Variants in RPS6KC1 observed in about 807,000 individuals in gnomAD.
The protein encoded by RPS6KC1 is ribosomal protein S6 kinase C1, also known as inactive ribosomal protein S6 kinase delta-1.
Under a neutral mutation model 103.8 loss-of-function variants are expected in RPS6KC1, and 54 were observed. The observed-to-expected ratio is 0.52, with a 90% confidence interval of 0.42 to 0.65. The LOEUF (loss-of-function observed/expected upper bound fraction) is 0.65, where lower values mean the gene tolerates loss of function less well. RPS6KC1 is among the 30% of genes least tolerant of loss of function. The pLI is 0.00. For synonymous variants in RPS6KC1, 439 were observed against 438.7 expected (o/e 1.00, Z -0.01); for missense variants, 1,151 against 1,253.8 (o/e 0.92, Z 1.24).
At chr1:213,121,859 G>T (rs1451018274) in intron 5 of RPS6KC1, among the ~76,000 whole-genome samples, 5 of 152,082 alleles carry the variant, frequency 3.3e-5, no homozygotes, top group Non-Finnish European at 7.4e-5. Context: ...TCAGCTTATT[G>T]TATGTAGCAT....
the RPS6KC1 span, among the ~76,000 whole-genome samples, chr1:213,606,873 T>C: frequency 6.6e-6 from 1 of 152,230 alleles, no homozygotes; most frequent in South Asian, 2.1e-4. Flanking sequence ...TGAGTCCTTG[T>C]TCTGTACCAG....
the RPS6KC1 span, among the ~76,000 whole-genome samples, chr1:213,741,650 G>A: frequency 3.3e-5 from 5 of 152,232 alleles, no homozygotes; most frequent in Admixed American, 6.5e-5. Flanking sequence ...GAGGTGACAC[G>A]AGCATAATAG....
At chr1:213,388,591 A>G in the RPS6KC1 span, among the ~76,000 whole-genome samples, 87 of 152,356 alleles carry the variant, frequency 5.7e-4, no homozygotes, top group Middle Eastern at 3.4e-3. Flanking sequence ...TGCACCAGGA[A>G]CAAGAGTCTC....
rs79432304 is a variant in RPS6KC1 at position 213,133,397 on chromosome 1, C to G, written c.835+3508C>G. Reference sequence around the variant, plus strand: ...AATTTATTACATGCCTGTCACTGTACAAGGTATTTTTCTTACATTATTTTT... The same window carrying G: ...AATTTATTACATGCCTGTCACTGTAGAAGGTATTTTTCTTACATTATTTTT... On this transcript the variant is annotated intron_variant, in intron 6 of 14. Coordinates refer to ENST00000366960, the MANE Select transcript of RPS6KC1 (RefSeq NM_012424.6). 9.3e-3 allele frequency among the ~76,000 whole-genome samples: 1,416 copies of G among 152,180 alleles called. 48 individuals are homozygous for G. Among genetic ancestry groups the G allele is most frequent in the East Asian group, 0.07 (363 of 5,184 alleles).
chr1:213,290,468 G>A, the RPS6KC1 span, among the ~76,000 whole-genome samples: 5 of 152,314 alleles, frequency 3.3e-5, no homozygotes, highest in East Asian at 5.8e-4. Context: ...GTGCCTGCAC[G>A]TTGGGTGGCA....
the RPS6KC1 span, among the ~76,000 whole-genome samples, chr1:213,809,369 A>G: frequency 6.6e-6 from 1 of 152,330 alleles, no homozygotes; most frequent in South Asian, 2.1e-4. Context: ...ACAGATCACC[A>G]TACCAGATAT....
the RPS6KC1 span, among the ~76,000 whole-genome samples, chr1:213,815,374 A>T: frequency 9.8e-5 from 15 of 152,314 alleles, no homozygotes; most frequent in African/African-American, 3.6e-4. Context: ...AATTAATGTA[A>T]TCATTAGCTT....
chr1:213,313,885 G>A, the RPS6KC1 span, among the ~76,000 whole-genome samples: 6 of 152,228 alleles, frequency 3.9e-5, no homozygotes, highest in South Asian at 1.0e-3. Flanking sequence ...CCTGGGAGGC[G>A]GAGCTTGCAG....
chr1:213,783,841 A>T, the RPS6KC1 span, among the ~76,000 whole-genome samples: 39 of 145,620 alleles, frequency 2.7e-4, no homozygotes, highest in Non-Finnish European at 4.4e-4. Context: ...AAAAAAAAAA[A>T]ATCCAAACCA....
At chr1:213,391,382 C>T in the RPS6KC1 span, among the ~76,000 whole-genome samples, 1 of 152,116 alleles carries the variant, frequency 6.6e-6, no homozygotes, top group Non-Finnish European at 1.5e-5. Context: ...GTACAACTTG[C>T]TGATGGATTG....
Position 213,176,762 on chromosome 1 carries a change from A to G in RPS6KC1, c.1044+270A>G, listed in dbSNP as rs572278058. 1.6e-5 allele frequency: 4 copies of G among 242,718 alleles called. No homozygotes were observed. In the East Asian group the frequency reaches 2.1e-4, roughly 13 times the overall value. 15.0% of individuals were successfully genotyped at this position (242,718 alleles called of 1,614,324 possible). A position where few individuals can be genotyped will look rare whatever the true frequency, so the allele number is the denominator to read the frequency against. On this transcript the variant is annotated intron_variant, in intron 8 of 14. Transcript: ENST00000366960. ...GGGTTTGGTTTTATAGAAGTGTTAT[A>G]GCAGAGTAAAGATGTATTGTGTTAA...
the RPS6KC1 span, among the ~76,000 whole-genome samples, chr1:213,312,162 C>T: frequency 6.6e-6 from 1 of 152,026 alleles, no homozygotes; most frequent in Non-Finnish European, 1.5e-5. Flanking sequence ...TCCCAAAGTG[C>T]TGGGATTACA....
the RPS6KC1 span, among the ~76,000 whole-genome samples, chr1:213,734,377 G>A: frequency 6.6e-6 from 1 of 152,194 alleles, no homozygotes; most frequent in Non-Finnish European, 1.5e-5. Context: ...GCTGGTAATG[G>A]GGTATATAGA....
the RPS6KC1 span, among the ~76,000 whole-genome samples, chr1:213,519,048 CA>C: frequency 8.5e-5 from 13 of 152,150 alleles, no homozygotes; most frequent in African/African-American, 1.2e-4. Flanking sequence ...ACTACATTCT[CA>C]GCAGATAGAG....
the RPS6KC1 span, among the ~76,000 whole-genome samples, chr1:213,502,478 C>T: frequency 4.6e-5 from 7 of 152,044 alleles, no homozygotes; most frequent in African/African-American, 1.7e-4. Flanking sequence ...TAGTAATCCA[C>T]TAAATATAAA....
At chr1:213,254,323 G>T (rs560047212) in intron 12 of RPS6KC1, among the ~76,000 whole-genome samples, 227 of 152,296 alleles carry the variant, frequency 1.5e-3, no homozygotes, top group Non-Finnish European at 2.8e-3. Flanking sequence ...AGCTGATTCT[G>T]TGTCTCCATT....
the RPS6KC1 span, among the ~76,000 whole-genome samples, chr1:213,536,691 C>T: frequency 1.3e-5 from 2 of 152,170 alleles, no homozygotes; most frequent in Non-Finnish European, 2.9e-5. Context: ...TGAAAGCATA[C>T]GAGAGCTAGC....
At chr1:213,861,001 G>C in the RPS6KC1 span, among the ~76,000 whole-genome samples, 4 of 151,958 alleles carry the variant, frequency 2.6e-5, no homozygotes, top group Admixed American at 2.0e-4. Context: ...TAAAGATGGT[G>C]TTTCACCATG....
chr1:213,602,573 A>G, the RPS6KC1 span, among the ~76,000 whole-genome samples: 89,558 of 151,906 alleles, frequency 0.59, 28,268 homozygotes, highest in Non-Finnish European at 0.69. Context: ...CAATGAAAGA[A>G]TAACATTTTA....
Sources: allele counts gnomAD v4.1 joint callset (sites outside exome capture counted in the v4.1 genomes callset), GRCh38; gene constraint gnomAD v4.1.1; transcripts MANE v1.5; gene names NCBI Gene and HGNC (gene_info 2026-07-23, HGNC 2026-07-21).